MYSM1: variants seen among roughly 807,000 people sequenced by gnomAD.
MYSM1 encodes the protein Myb like, SWIRM and MPN domains 1, also known as deubiquitinase MYSM1.
Under a neutral mutation model 116.0 loss-of-function variants are expected in MYSM1, and 51 were observed. The observed-to-expected ratio is 0.44, with a 90% CI of 0.35 to 0.56. MYSM1 has a LOEUF of 0.56. Ranked by LOEUF, MYSM1 falls within the 20% of genes least tolerant of loss-of-function variation. MYSM1 has a pLI of 0.00. For synonymous variants in MYSM1, 313 were observed against 315.2 expected (o/e 0.99, Z 0.07); for missense variants, 900 against 974.9 (o/e 0.92, Z 1.02).
chr1:58,660,199 T>A, intron 19 of MYSM1, 44 bp from the exon 20 acceptor site: 1 of 1,335,008 alleles, frequency 7.5e-7, no homozygotes, highest in Non-Finnish European at 1.0e-6. Flanking sequence ...AGAAAAAGTA[T>A]GAGGGTTTGC....
chr1:58,666,564 T>C (rs1243943184), intron 16 of MYSM1, among the ~76,000 whole-genome samples: 1 of 137,012 alleles, frequency 7.3e-6, no homozygotes, highest in African/African-American at 2.7e-5. Flanking sequence ...CCCCAGTATA[T>C]GTATTTTTTT....
intron 6 of MYSM1, among the ~76,000 whole-genome samples, chr1:58,685,696 T>C (rs143158459): frequency 1.6e-4 from 24 of 152,358 alleles, no homozygotes; most frequent in Admixed American, 1.4e-3. Flanking sequence ...ATATCCATTA[T>C]GTATCTCACA....
chr1:58,660,218 C>A (rs1644371069), intron 19 of MYSM1, 63 bp from the exon 20 acceptor site: 2 of 1,100,730 alleles, frequency 1.8e-6, no homozygotes, highest in Admixed American at 5.8e-5. Flanking sequence ...GCATTACTAT[C>A]ACTATTTCGT....
At chr1:58,664,390 A>T (rs2100594153) in intron 17 of MYSM1, among the ~76,000 whole-genome samples, 2 of 152,308 alleles carry the variant, frequency 1.3e-5, no homozygotes, top group South Asian at 4.1e-4. Context: ...AGTGTTGACC[A>T]CCTCCTAGAT....
chr1:58,671,825 C>G, intron 12 of MYSM1, 45 bp downstream of exon 12: 1 of 1,367,440 alleles, frequency 7.3e-7, no homozygotes, highest in South Asian at 1.2e-5. Flanking sequence ...ATTATCTAGC[C>G]ATTTGTGATA....
At position 58,676,912 on chromosome 1, in the gene MYSM1, G is replaced by A; in HGVS notation, c.1390+14C>T. 7 of 1,607,730 alleles carry A rather than the reference G, an allele frequency of 4.4e-6. No individual in the cohort carries two copies. The South Asian group carries it at 7.8e-5, about 18-fold the overall frequency. ...AATGTCGAGTAAAAGATGTTGTTGG[G>A]TTTTTATTTTTACCACATCCAAAAT... On this transcript the variant is annotated intron_variant, in intron 9 of 19. Coordinates refer to ENST00000472487, the MANE Select transcript of MYSM1 (RefSeq NM_001085487.3).
intron 10 of MYSM1, 70 bp from the exon 11 acceptor site, chr1:58,673,720 C>T: frequency 7.9e-7 from 1 of 1,269,992 alleles, no homozygotes; most frequent in Non-Finnish European, 1.1e-6. Flanking sequence ...CATTAATACA[C>T]AAAATGAAAA....
At chr1:58,684,253 G>C (rs1243961416) in intron 7 of MYSM1, among the ~76,000 whole-genome samples, 1 of 152,016 alleles carries the variant, frequency 6.6e-6, no homozygotes, top group Admixed American at 6.6e-5. Context: ...TATGTTCCTA[G>C]GCTTCAAAGA....
In MYSM1 at chr1:58,697,362, T is replaced by C. The variant is rs527447355; in HGVS notation, c.69-2155A>G. 4.6e-5 allele frequency among the ~76,000 whole-genome samples: 7 copies of C among 152,274 alleles called. No individual in the cohort carries two copies. The South Asian group carries it at 1.4e-3, about 32-fold the overall frequency. On this transcript the variant is annotated intron_variant, in intron 1 of 19. Coordinates refer to ENST00000472487, the MANE Select transcript of MYSM1 (RefSeq NM_001085487.3). Reference sequence around the variant, plus strand: ...GGATCTGTCACTTAAGAGAGAGATCTGGGTTGGTAACAGATTCGGGAAACA... The same window carrying C: ...GGATCTGTCACTTAAGAGAGAGATCCGGGTTGGTAACAGATTCGGGAAACA...
At chr1:58,689,354 G>A in intron 5 of MYSM1, 2 of 412,036 alleles carry the variant, frequency 4.9e-6, no homozygotes, top group South Asian at 7.5e-5. Context: ...CCTTGGGTCT[G>A]AGTGAGGGTA....
chr1:58,661,250 A>C (rs1312302113), intron 18 of MYSM1, 23 bp from the exon 19 acceptor site: 1 of 1,586,192 alleles, frequency 6.3e-7, no homozygotes, highest in African/African-American at 1.3e-5. Context: ...ATATGAAAAC[A>C]AACTGGTGAA....
In MYSM1 at chr1:58,677,047, GCATATC is replaced by G; in HGVS notation, c.1263_1268del (p.Glu421_Cys423delinsAsp). ...AGGTCTTATTTAAGTATTTTGGTTTGCATATCTCCCTAATTAAGAGACAGAAGTACA... is the reference window on the plus strand; with the variant it reads ...AGGTCTTATTTAAGTATTTTGGTTTGTCCCTAATTAAGAGACAGAAGTACA... On this transcript the variant is annotated inframe_deletion, in exon 9 of 20. Coordinates refer to ENST00000472487, the MANE Select transcript of MYSM1 (RefSeq NM_001085487.3). 1 of 1,600,382 alleles carries G rather than the reference GCATATC, an allele frequency of 6.2e-7. No homozygotes were observed. The highest frequency in any genetic ancestry group is 8.5e-7 in the Non-Finnish European group (1 of 1,174,016).
At chr1:58,669,845 A>AC (rs1644530477) in intron 12 of MYSM1, among the ~76,000 whole-genome samples, 1 of 146,720 alleles carries the variant, frequency 6.8e-6, no homozygotes, top group African/African-American at 2.5e-5. Flanking sequence ...CCAAAAAAAA[A>AC]AAAAAAAAAA....
Position 58,665,651 on chromosome 1 carries a change from A to G in MYSM1, c.2032-20T>C. The G allele has an allele frequency of 3.5e-6, 5 of 1,445,320 alleles. No homozygotes were observed. Among genetic ancestry groups the G allele is most frequent in the Non-Finnish European group, 2.9e-6 (3 of 1,044,630 alleles). The allele number at this position is 1,445,320 out of a possible 1,614,324, so 89.5% of individuals were successfully genotyped here. ...GTAACTCTACAATGACAAGAAAAAT[A>G]TAATTAGTTTCAACTATATAAATTC... On this transcript the variant is annotated intron_variant, in intron 16 of 19. Transcript: ENST00000472487.
In MYSM1 at chr1:58,690,383, C is replaced by G; in HGVS notation, c.253G>C (p.Val85Leu). Reference protein sequence around the residue: ...YLSKKSQPEKVWLDQKEDDKK... With the variant: ...YLSKKSQPEKLWLDQKEDDKK... ...TCATCTTCCTTTTGATCAAGCCAGA[C>G]TTTTTCCGGTTGTGATTTTTTAGAT... Residue 85 changes from valine to leucine, a missense_variant, in exon 4 of 20, where the codon GTC (valine) becomes CTC (leucine). Val to Leu is a conservative substitution (Grantham distance 32). Coordinates refer to ENST00000472487, the MANE Select transcript of MYSM1 (RefSeq NM_001085487.3). 1 of 1,603,304 alleles carries G rather than the reference C, an allele frequency of 6.2e-7. No individual in the cohort carries two copies. The highest frequency in any genetic ancestry group is 1.1e-5 in the South Asian group (1 of 88,848).
chr1:58,673,273 C>T (rs1051869731), intron 11 of MYSM1, among the ~76,000 whole-genome samples: 7 of 152,130 alleles, frequency 4.6e-5, no homozygotes, highest in African/African-American at 1.7e-4. Flanking sequence ...GAACCTCTTC[C>T]AATAAATGTT....
Position 58,657,759 on chromosome 1 carries a change from T to C in MYSM1, c.*2238A>G, listed in dbSNP as rs1644337877. On this transcript the variant is annotated 3_prime_UTR_variant, in exon 20 of 20. Transcript: ENST00000472487. Reference sequence around the variant, plus strand: ...TACTCTATAGTCAGAAAATACTAAGTATTATTTTGAAAACTGTGCTCTCAA... The same window carrying C: ...TACTCTATAGTCAGAAAATACTAAGCATTATTTTGAAAACTGTGCTCTCAA... 6.6e-6 allele frequency: 1 copy of C among 152,094 alleles called. No individual in the cohort carries two copies. The highest frequency in any genetic ancestry group is 1.5e-5 in the Non-Finnish European group (1 of 68,022). The allele number at this position is 152,094 out of a possible 1,614,324, so 9.4% of individuals were successfully genotyped here.
chr1:58,660,708 T>C (rs1422126034), intron 19 of MYSM1, among the ~76,000 whole-genome samples: 1 of 152,154 alleles, frequency 6.6e-6, no homozygotes, highest in Non-Finnish European at 1.5e-5. Context: ...GCAGATCTAC[T>C]AGCCTTCAAT....
rs185141461 is a variant in MYSM1, at chr1:58,695,968, C to T, written c.69-761G>A. Among the ~76,000 whole-genome samples, 377 of 152,280 alleles carry T rather than the reference C, an allele frequency of 2.5e-3. 1 individual carries two copies. The highest frequency in any genetic ancestry group is 8.8e-3 in the African/African-American group (365 of 41,556). On this transcript the variant is annotated intron_variant, in intron 1 of 19. Coordinates refer to ENST00000472487, the MANE Select transcript of MYSM1 (RefSeq NM_001085487.3). ...TGCTTCGTTATTGACTTTTTCTAGA[C>T]CTTGTCTAGTGATAAGAATTTTCCA...
Sources: gnomAD v4.1 joint callset for allele counts (sites outside exome capture counted in the v4.1 genomes callset) on GRCh38, gnomAD v4.1.1 for gene constraint, MANE v1.5 for transcripts, NCBI Gene and HGNC (gene_info 2026-07-23, HGNC 2026-07-21) for gene names.